The following HLF variants were observed in gnomAD, a reference collection of about 807,000 sequenced individuals.
The protein encoded by HLF is hepatic leukemia factor.
Under a neutral mutation model 22.6 loss-of-function variants are expected in HLF, and 3 were observed. That is an observed-to-expected ratio of 0.13 (90% CI 0.06 to 0.34). The LOEUF (loss-of-function observed/expected upper bound fraction) is 0.34, where lower values mean the gene tolerates loss of function less well. Among genes scored for constraint, HLF ranks in the 10% least tolerant of loss-of-function variants. The probability of loss-of-function intolerance (pLI) is 1.00; values close to 1 mark genes in which losing one functional copy is unlikely to be tolerated. For missense variants in HLF, 299 were observed against 389.2 expected (o/e 0.77, Z 1.95); for synonymous variants, 151 against 151.8 (o/e 0.99, Z 0.04).
chr17:55,301,501 T>G (rs2081157224), intron 2 of HLF, among the ~76,000 whole-genome samples: 1 of 152,098 alleles, frequency 6.6e-6, no homozygotes, highest in Non-Finnish European at 1.5e-5. Flanking sequence ...GTGAGAGAAG[T>G]TAGGAGGAAT....
chr17:55,283,193 C>G (rs909771785), intron 2 of HLF, among the ~76,000 whole-genome samples: 1 of 152,066 alleles, frequency 6.6e-6, no homozygotes, highest in Non-Finnish European at 1.5e-5. Flanking sequence ...TTGATGGCAA[C>G]TTTTCTAGGA....
intron 2 of HLF, among the ~76,000 whole-genome samples, chr17:55,270,863 C>T (rs541073394): frequency 1.3e-5 from 2 of 151,952 alleles, no homozygotes; most frequent in South Asian, 2.1e-4. Context: ...GGGATGGTCT[C>T]GATCGCCTGA....
At position 55,268,016 on chromosome 17, in the gene HLF, C is replaced by T. The variant is rs1165020951; in HGVS notation, c.381C>T (p.Ser127=). Residue 127 remains serine (S), a synonymous_variant, in exon 2 of 4, where the codon AGC becomes AGT. Coordinates refer to ENST00000226067, the MANE Select transcript of HLF (RefSeq NM_002126.5). ...CTGCCCCCTCGGTCATGGACCTCAG[C>T]AGCCGGGCCTCTGCACCCCTTCACC... is the stretch of plus-strand genomic sequence containing the variant. ...SSAAPSVMDL[S]SRASAPLHPG... is the part of the protein sequence containing the mutation. 4 of 1,612,262 alleles carry T rather than the reference C, an allele frequency of 2.5e-6. No homozygotes were observed. The highest frequency in any genetic ancestry group is 3.4e-6 in the Non-Finnish European group (4 of 1,179,108).
chr17:55,267,711 C>A, intron 1 of HLF, 40 bp from the exon 2 acceptor site: 1 of 1,412,330 alleles, frequency 7.1e-7, no homozygotes, highest in Non-Finnish European at 9.6e-7. Context: ...TTTTTCTTTT[C>A]TTTCTTTTTT....
At chr17:55,273,548 G>A (rs563632746) in intron 2 of HLF, 24 of 152,184 alleles carry the variant, frequency 1.6e-4, no homozygotes, top group African/African-American at 5.5e-4. Flanking sequence ...GGGACGAATC[G>A]GTTCCCTGAT....
At chr17:55,312,101 T>C (rs980357387) in intron 2 of HLF, among the ~76,000 whole-genome samples, 2 of 152,246 alleles carry the variant, frequency 1.3e-5, no homozygotes, top group Non-Finnish European at 2.9e-5. Flanking sequence ...GTGTCTTTGC[T>C]ATTGTGAATA....
chr17:55,307,569 A>T (rs916454289), intron 2 of HLF, among the ~76,000 whole-genome samples: 1 of 152,154 alleles, frequency 6.6e-6, no homozygotes, highest in African/African-American at 2.4e-5. Flanking sequence ...GATCCTCATT[A>T]TAGACAATTT....
At chr17:55,300,764 TC>T (rs1421409458) in intron 2 of HLF, among the ~76,000 whole-genome samples, 1 of 152,184 alleles carries the variant, frequency 6.6e-6, no homozygotes, top group Non-Finnish European at 1.5e-5. Context: ...CATTCCTGGT[TC>T]CCCTGTAAGC....
At chr17:55,271,401 G>C (rs1657950707) in intron 2 of HLF, 1 of 152,228 alleles carries the variant, frequency 6.6e-6, no homozygotes, top group Admixed American at 6.5e-5. Flanking sequence ...TGTGGTGTTA[G>C]TGCTTCTTGT....
At chr17:55,288,755 C>CAAA (rs5821096) in intron 2 of HLF, 88 of 190,662 alleles carry the variant, frequency 4.6e-4, no homozygotes, top group Non-Finnish European at 7.2e-4. Flanking sequence ...CACCCTGTCT[C>CAAA]AAAAAAAAAA....
chr17:55,318,697 T>G (rs1220430748), intron 3 of HLF, among the ~76,000 whole-genome samples: 1 of 152,102 alleles, frequency 6.6e-6, no homozygotes, highest in Non-Finnish European at 1.5e-5. Flanking sequence ...CTAAATCAAG[T>G]CCTCTTTTGA....
At chr17:55,265,675 T>C in intron 1 of HLF, 76 bp downstream of exon 1, 1 of 1,186,556 alleles carries the variant, frequency 8.4e-7, no homozygotes, top group Non-Finnish European at 1.2e-6. Context: ...GCACGCCCGC[T>C]GGAGCATCCC....
chr17:55,313,102 T>C (rs1904907298), intron 2 of HLF, among the ~76,000 whole-genome samples: 1 of 152,148 alleles, frequency 6.6e-6, no homozygotes, highest in African/African-American at 2.4e-5. Flanking sequence ...ACTCTGCAGG[T>C]AGGGCTGACC....
At chr17:55,288,639 C>T (rs185774294) in intron 2 of HLF, among the ~76,000 whole-genome samples, 21 of 151,798 alleles carry the variant, frequency 1.4e-4, no homozygotes, top group African/African-American at 4.3e-4. Flanking sequence ...GTGTGGTGTC[C>T]CAACTACTAG....
At chr17:55,318,637 C>T (rs1274928799) in intron 3 of HLF, among the ~76,000 whole-genome samples, 1 of 152,040 alleles carries the variant, frequency 6.6e-6, no homozygotes, top group Non-Finnish European at 1.5e-5. Context: ...TCTTATGTAC[C>T]CCTTCGCCTC....
intron 2 of HLF, among the ~76,000 whole-genome samples, chr17:55,293,661 G>A (rs2081086550): frequency 6.6e-6 from 1 of 152,196 alleles, no homozygotes; most frequent in Non-Finnish European, 1.5e-5. Flanking sequence ...GAGGCCCAGA[G>A]AAAGTGAGCA....
At chr17:55,311,087 T>C (rs1904807646) in intron 2 of HLF, among the ~76,000 whole-genome samples, 1 of 151,856 alleles carries the variant, frequency 6.6e-6, no homozygotes, top group African/African-American at 2.4e-5. Context: ...TTATTATATT[T>C]AAAACGGTAA....
chr17:55,278,228 A>G (rs1567813574), intron 2 of HLF, among the ~76,000 whole-genome samples: 1 of 152,248 alleles, frequency 6.6e-6, no homozygotes, highest in Non-Finnish European at 1.5e-5. Flanking sequence ...CATGCTACAG[A>G]AAGATGCTTC....
At chr17:55,309,487 G>T (rs1453619544) in intron 2 of HLF, among the ~76,000 whole-genome samples, 1 of 152,148 alleles carries the variant, frequency 6.6e-6, no homozygotes, top group Non-Finnish European at 1.5e-5. Context: ...GAGGGTAAAA[G>T]CACTATTTCA....
Sources: allele counts gnomAD v4.1 joint callset (sites outside exome capture counted in the v4.1 genomes callset), GRCh38; gene constraint gnomAD v4.1.1; transcripts MANE v1.5; gene names NCBI Gene and HGNC (gene_info 2026-07-23, HGNC 2026-07-21).